C11orf65: variants seen among roughly 807,000 people sequenced by gnomAD.
The protein encoded by C11orf65 is chromosome 11 open reading frame 65.
In C11orf65, 38 loss-of-function variants were observed where a neutral mutation model predicts 35.3. The ratio of observed to expected loss-of-function variants is 1.08; its 90% CI spans 0.83 to 1.41. The LOEUF (loss-of-function observed/expected upper bound fraction) is 1.41, where lower values mean the gene tolerates loss of function less well. C11orf65 is among the 40% of genes most tolerant of loss of function. The pLI is 0.00. For missense variants in C11orf65, 370 were observed against 367.1 expected, an observed-to-expected ratio of 1.01 and a Z score of -0.06; for synonymous variants, 105 against 114.4, an observed-to-expected ratio of 0.92 and a Z score of 0.53.
chr11:108,384,154 G>C lies in C11orf65; in HGVS notation c.788-979C>G, dbSNP rs80231069. 4.1e-3 allele frequency among the ~76,000 whole-genome samples: 619 copies of C among 152,242 alleles called. 8 individuals carry two copies. Among genetic ancestry groups the C allele is most frequent in the African/African-American group, 0.013 (546 of 41,548 alleles). ...TGGGATTACAGGCATGAGCCATTGT[G>C]CTGGGTCTCTGTGCTGATTTAAATT... On this transcript the variant is annotated intron_variant, in intron 8 of 8. Transcript: ENST00000393084.
chr11:108,317,883 A>T (rs1221247388), intron 6 of C11orf65, among the ~76,000 whole-genome samples: 1 of 151,894 alleles, frequency 6.6e-6, no homozygotes, highest in East Asian at 1.9e-4. Flanking sequence ...CAGAAATATG[A>T]AAAGGGTTTT....
At chr11:108,432,412 T>A (rs2093002448) in intron 2 of C11orf65, among the ~76,000 whole-genome samples, 1 of 152,186 alleles carries the variant, frequency 6.6e-6, no homozygotes, top group African/African-American at 2.4e-5. Context: ...TCCTCCTTAT[T>A]CCTATAGTAA....
chr11:108,332,743 T>C lies in C11orf65; in HGVS notation c.300-1176A>G, dbSNP rs560800769. The C allele has an allele frequency of 5.6e-6, 9 of 1,609,416 alleles. No homozygotes were observed. Among genetic ancestry groups the C allele is most frequent in the Non-Finnish European group, 7.6e-6 (9 of 1,178,530 alleles). On this transcript the variant is annotated intron_variant, in intron 3 of 3. Coordinates refer to the C11orf65 transcript ENST00000524755. ...GTTGGGTAGTTCCTTATGTAATGTT[T>C]TTTGTTTTTTATTAATAGGATCGAA... is the stretch of plus-strand genomic sequence containing the variant.
intron 2 of C11orf65, among the ~76,000 whole-genome samples, chr11:108,370,139 GCA>G (rs1426927586): frequency 1.3e-5 from 2 of 151,892 alleles, no homozygotes; most frequent in African/African-American, 4.8e-5. Flanking sequence ...AGTTTTCCTT[GCA>G]GAGATCTTGT....
At chr11:108,325,275 T>A in intron 6 of C11orf65, 5 of 952,500 alleles carry the variant, frequency 5.2e-6, no homozygotes, top group Non-Finnish European at 8.2e-6. Flanking sequence ...TTTTCATTTC[T>A]CTTGCTTACA....
intron 2 of C11orf65, among the ~76,000 whole-genome samples, chr11:108,447,536 T>C (rs1159216263): frequency 5.9e-5 from 9 of 152,036 alleles, no homozygotes; most frequent in African/African-American, 2.2e-4. Flanking sequence ...GAATGACTAC[T>C]GGGTACATAA....
intron 3 of C11orf65, among the ~76,000 whole-genome samples, chr11:108,418,353 T>C (rs2092770291): frequency 6.6e-6 from 1 of 152,014 alleles, no homozygotes; most frequent in Non-Finnish European, 1.5e-5. Flanking sequence ...CAACAGAGGA[T>C]TGAAAGTACA....
At chr11:108,446,121 A>G (rs2093252938) in intron 2 of C11orf65, among the ~76,000 whole-genome samples, 1 of 152,176 alleles carries the variant, frequency 6.6e-6, no homozygotes, top group Admixed American at 6.5e-5. Flanking sequence ...TCCAAGAAAT[A>G]TGGGACTACG....
chr11:108,432,141 C>T (rs978395429), intron 2 of C11orf65, among the ~76,000 whole-genome samples: 2 of 152,000 alleles, frequency 1.3e-5, no homozygotes, highest in African/African-American at 4.8e-5. Context: ...AGAAAAAAAC[C>T]AAAATACAGA....
intron 2 of C11orf65, chr11:108,355,690 A>G (rs1187464209): frequency 2.0e-5 from 3 of 152,258 alleles, no homozygotes; most frequent in Non-Finnish European, 4.4e-5. Flanking sequence ...TTTAAAAAAC[A>G]TTGATGCTGA....
chr11:108,435,000 T>G (rs2093041842), intron 2 of C11orf65, among the ~76,000 whole-genome samples: 1 of 152,186 alleles, frequency 6.6e-6, no homozygotes, highest in Non-Finnish European at 1.5e-5. Flanking sequence ...TAGAATTCAG[T>G]GATAACACTT....
At chr11:108,427,699 G>C (rs1353915170) in intron 3 of C11orf65, among the ~76,000 whole-genome samples, 2 of 87,388 alleles carry the variant, frequency 2.3e-5, no homozygotes, top group Non-Finnish European at 4.0e-5. Context: ...TCCAGCCTGG[G>C]CGACAGAGCG....
intron 6 of C11orf65, among the ~76,000 whole-genome samples, chr11:108,404,732 T>A (rs910196494): frequency 2.0e-5 from 3 of 151,978 alleles, no homozygotes; most frequent in African/African-American, 7.2e-5. Context: ...CCCGGCCACA[T>A]GGGGGTTTAT....
intron 6 of C11orf65, chr11:108,317,646 T>TACACACACAC (rs1308746336): frequency 2.1e-5 from 3 of 141,682 alleles, no homozygotes; most frequent in African/African-American, 1.2e-4. Context: ...TATATATATA[T>TACACACACAC]ATATATACAC....
intron 6 of C11orf65, chr11:108,325,194 C>A: frequency 1.4e-6 from 1 of 728,140 alleles, no homozygotes; most frequent in Non-Finnish European, 2.2e-6. Flanking sequence ...CTTGTCACTA[C>A]AAAAGTTCCT....
chr11:108,359,281 C>T (rs1294231954), intron 2 of C11orf65, among the ~76,000 whole-genome samples: 1 of 151,388 alleles, frequency 6.6e-6, no homozygotes, highest in Admixed American at 6.6e-5. Context: ...TACAGGAGCA[C>T]CCAGATTCAT....
chr11:108,358,132 G>A (rs1174993866), intron 2 of C11orf65, among the ~76,000 whole-genome samples: 3 of 151,596 alleles, frequency 2.0e-5, no homozygotes, highest in South Asian at 2.1e-4. Flanking sequence ...CAAGGCTCGA[G>A]AACTATGTGA....
chr11:108,423,743 C>T (rs1294647375), intron 3 of C11orf65, among the ~76,000 whole-genome samples: 1 of 152,162 alleles, frequency 6.6e-6, no homozygotes, highest in Non-Finnish European at 1.5e-5. Flanking sequence ...GTTCTGCAGC[C>T]TCCACTGGTG....
At chr11:108,347,193 G>A in intron 2 of C11orf65, 1 of 1,025,576 alleles carries the variant, frequency 9.8e-7, no homozygotes, top group Non-Finnish European at 1.5e-6. Flanking sequence ...ATTATACCAA[G>A]TCAGTGGTCT....
Sources: gnomAD v4.1 joint callset for allele counts (sites outside exome capture counted in the v4.1 genomes callset) on GRCh38, gnomAD v4.1.1 for gene constraint, MANE v1.5 for transcripts, NCBI Gene and HGNC (gene_info 2026-07-23, HGNC 2026-07-21) for gene names.